Variants in CNTN1 observed in about 807,000 individuals in gnomAD.
The protein encoded by CNTN1 is contactin-1.
CNTN1 carries 38 observed loss-of-function variants against 126.4 expected under a neutral mutation model. The observed-to-expected ratio is 0.30, with a 90% CI of 0.23 to 0.39. The LOEUF is 0.39. Among genes scored for constraint, CNTN1 ranks in the 10% least tolerant of loss-of-function variants. The pLI is 1.00. For missense variants in CNTN1, 1,009 were observed against 1,248.4 expected (o/e 0.81, Z 2.89); for synonymous variants, 413 against 422.6 (o/e 0.98, Z 0.28).
At chr12:40,865,300 C>T (rs1460048218) in intron 1 of CNTN1, among the ~76,000 whole-genome samples, 1 of 152,058 alleles carries the variant, frequency 6.6e-6, no homozygotes, top group African/African-American at 2.4e-5. Context: ...TGTGAGTAGT[C>T]TCTTCACTTT....
At chr12:40,986,617 C>T (rs1215967824) in intron 16 of CNTN1, among the ~76,000 whole-genome samples, 2 of 152,142 alleles carry the variant, frequency 1.3e-5, no homozygotes, top group Non-Finnish European at 2.9e-5. Context: ...GCCCAGAGTG[C>T]TCGGGCTTTT....
intron 1 of CNTN1, among the ~76,000 whole-genome samples, chr12:40,715,080 T>A (rs1288703709): frequency 6.6e-6 from 1 of 152,200 alleles, no homozygotes; most frequent in Non-Finnish European, 1.5e-5. Context: ...GAATTTCGTT[T>A]GTTTTAGATT....
intron 1 of CNTN1, among the ~76,000 whole-genome samples, chr12:40,734,884 G>C (rs1289535513): frequency 1.3e-5 from 2 of 152,032 alleles, no homozygotes; most frequent in South Asian, 2.1e-4. Context: ...CTCACAAGAA[G>C]TATAATTTAT....
chr12:40,899,604 T>C, intron 1 of CNTN1, among the ~76,000 whole-genome samples: 1 of 152,196 alleles, frequency 6.6e-6, no homozygotes, highest in East Asian at 1.9e-4. Context: ...GGAACACATT[T>C]GCATGCACAT....
intron 15 of CNTN1, among the ~76,000 whole-genome samples, chr12:40,963,972 C>CA (rs746391667): frequency 1.3e-5 from 2 of 152,076 alleles, no homozygotes; most frequent in Non-Finnish European, 2.9e-5. Flanking sequence ...TTCATGAGTG[C>CA]ACCTTTGGAC....
intron 23 of CNTN1, among the ~76,000 whole-genome samples, chr12:41,046,736 C>G (rs1256182073): frequency 1.3e-5 from 2 of 151,318 alleles, no homozygotes; most frequent in Non-Finnish European, 2.9e-5. Flanking sequence ...ATACTGTGTT[C>G]TCTGACCACT....
chr12:40,777,599 T>A (rs1317298892), intron 1 of CNTN1, among the ~76,000 whole-genome samples: 2 of 151,800 alleles, frequency 1.3e-5, no homozygotes, highest in Non-Finnish European at 1.5e-5. Flanking sequence ...ACAATGTAAA[T>A]TTTTTAAGAA....
intron 15 of CNTN1, chr12:40,971,716 TA>T: frequency 7.5e-7 from 1 of 1,336,718 alleles, no homozygotes. Context: ...ACTAATACCT[TA>T]AAAATGCCTA....
chr12:40,758,818 A>G (rs1236118316), intron 1 of CNTN1, among the ~76,000 whole-genome samples: 1 of 152,178 alleles, frequency 6.6e-6, no homozygotes, highest in Non-Finnish European at 1.5e-5. Flanking sequence ...GAGTTTGCAA[A>G]CCAGGGGAGA....
At chr12:40,916,047 C>T (rs975317177) in intron 3 of CNTN1, among the ~76,000 whole-genome samples, 1 of 152,018 alleles carries the variant, frequency 6.6e-6, no homozygotes, top group Non-Finnish European at 1.5e-5. Flanking sequence ...GCATAAATAT[C>T]GAAGTACTTA....
rs1946250596 is a variant in CNTN1 at position 40,941,085 on chromosome 12, A to T, written c.1379+1600A>T. Among the ~76,000 whole-genome samples the T allele has an allele frequency of 2.0e-5, 3 of 152,208 alleles. No individual in the cohort carries two copies. The South Asian group carries it at 6.2e-4, about 31-fold the overall frequency. The stretch of plus-strand genomic sequence containing the variant: ...TATGTTTCATGGACTTGTTTTTCCT[A>T]AATATCAATATGTGTTCAAAAAAAG... On this transcript the variant is annotated intron_variant, in intron 12 of 23. Coordinates refer to ENST00000551295, the MANE Select transcript of CNTN1 (RefSeq NM_001843.4).
chr12:40,905,339 T>G (rs1487561399), intron 1 of CNTN1, among the ~76,000 whole-genome samples: 3 of 152,234 alleles, frequency 2.0e-5, no homozygotes, highest in Non-Finnish European at 2.9e-5. Context: ...ATATCACTGA[T>G]GTACTCTATC....
chr12:40,865,786 T>C (rs1202462544), intron 1 of CNTN1, among the ~76,000 whole-genome samples: 1 of 152,038 alleles, frequency 6.6e-6, no homozygotes, highest in Non-Finnish European at 1.5e-5. Flanking sequence ...TTCTCAGTAC[T>C]CTTTTGGATA....
intron 11 of CNTN1, among the ~76,000 whole-genome samples, chr12:40,938,756 T>C (rs1416269889): frequency 6.6e-6 from 1 of 152,200 alleles, no homozygotes; most frequent in Non-Finnish European, 1.5e-5. Flanking sequence ...TAAATGTGTA[T>C]AAAACATTTG....
intron 14 of CNTN1, among the ~76,000 whole-genome samples, chr12:40,947,776 TATATATACACACACAC>T (rs201620567): frequency 0.15 from 13,328 of 89,610 alleles, 917 homozygotes; most frequent in Admixed American, 0.19. Context: ...TATATATATA[TATATATACACACACAC>T]ACACACACAC....
chr12:40,937,450 G>A (rs956933480), intron 10 of CNTN1, 120 bp from the exon 11 acceptor site: 58 of 732,266 alleles, frequency 7.9e-5, no homozygotes, highest in Non-Finnish European at 7.6e-5. Flanking sequence ...TTCATCTTAG[G>A]TAACAGTGGG....
At chr12:40,740,561 A>C (rs1427587888) in intron 1 of CNTN1, among the ~76,000 whole-genome samples, 1 of 152,106 alleles carries the variant, frequency 6.6e-6, no homozygotes, top group Non-Finnish European at 1.5e-5. Context: ...ATAAAAGACA[A>C]TTTAGGGCCC....
chr12:40,980,835 CATTTTT>C, intron 15 of CNTN1, 68 bp from the exon 16 acceptor site: 1 of 1,363,220 alleles, frequency 7.3e-7, no homozygotes, highest in Non-Finnish European at 1.0e-6. Flanking sequence ...GGTTAGAAGA[CATTTTT>C]ATATTCTAAT....
At position 40,985,861 on chromosome 12, in the gene CNTN1, C is replaced by CTG. The variant is rs144935175; in HGVS notation, c.1963+4809_1963+4810dup. On this transcript the variant is annotated intron_variant, in intron 16 of 23. Coordinates refer to ENST00000551295, the MANE Select transcript of CNTN1 (RefSeq NM_001843.4). ...CAGATAATGGACAGTGTGTGTGTGTCTGTGTGTGTGTGTGTGCACGCACGC... is the reference window on the plus strand; with the variant it reads ...CAGATAATGGACAGTGTGTGTGTGTCTGTGTGTGTGTGTGTGTGCACGCACGC... Among the ~76,000 whole-genome samples the CTG allele has an allele frequency of 1.4e-3, 204 of 150,298 alleles. 1 individual carries two copies. Among genetic ancestry groups the CTG allele is most frequent in the Middle Eastern group, 3.4e-3 (1 of 290 alleles).
Sources: gnomAD v4.1 joint callset for allele counts (sites outside exome capture counted in the v4.1 genomes callset) on GRCh38, gnomAD v4.1.1 for gene constraint, MANE v1.5 for transcripts, NCBI Gene and HGNC (gene_info 2026-07-23, HGNC 2026-07-21) for gene names.